The following GPHN variants were observed in gnomAD, a reference collection of about 807,000 sequenced individuals.
The protein encoded by GPHN is gephyrin.
GPHN carries 17 observed loss-of-function variants against 95.5 expected under a neutral mutation model. That is an observed-to-expected ratio of 0.18 (90% CI 0.12 to 0.27). The LOEUF is 0.27. GPHN is among the 10% of genes least tolerant of loss of function. The pLI is 1.00. For missense variants in GPHN, 660 were observed against 978.1 expected (o/e 0.67, Z 4.34); for synonymous variants, 320 against 322.5 (o/e 0.99, Z 0.08).
intron 11 of GPHN, among the ~76,000 whole-genome samples, chr14:67,083,941 C>A (rs1341973771): frequency 1.3e-5 from 2 of 152,086 alleles, no homozygotes; most frequent in Admixed American, 6.6e-5. Context: ...CTGATATTTT[C>A]TTGTAGTCAT....
chr14:67,323,807 C>A, the GPHN span: 1 of 1,544,532 alleles, frequency 6.5e-7, no homozygotes, highest in Non-Finnish European at 8.9e-7. Context: ...AGGCAAGAAT[C>A]CAAAGGTAAA....
At chr14:67,633,695 T>C in the GPHN span, among the ~76,000 whole-genome samples, 1 of 152,214 alleles carries the variant, frequency 6.6e-6, no homozygotes, top group Admixed American at 6.5e-5. Context: ...CCACGGTTGT[T>C]CCCCACCACA....
At chr14:66,813,141 C>T (rs113693239) in intron 3 of GPHN, among the ~76,000 whole-genome samples, 1,913 of 152,228 alleles carry the variant, frequency 0.013, 19 homozygotes, top group Non-Finnish European at 0.018. Context: ...ATTTATACCA[C>T]GTTTAATTTT....
At chr14:66,886,518 A>G (rs2064200146) in intron 5 of GPHN, among the ~76,000 whole-genome samples, 1 of 152,112 alleles carries the variant, frequency 6.6e-6, no homozygotes, top group African/African-American at 2.4e-5. Flanking sequence ...GATGAAAAAC[A>G]TGTATCCTTT....
At chr14:67,086,403 G>A (rs113403024) in intron 11 of GPHN, among the ~76,000 whole-genome samples, 10,106 of 152,238 alleles carry the variant, frequency 0.066, 351 homozygotes, top group Middle Eastern at 0.085. Flanking sequence ...TGTAATCCCA[G>A]CACTTTGGAA....
chr14:66,528,174 A>G (rs923195727), intron 1 of GPHN, among the ~76,000 whole-genome samples: 1 of 152,124 alleles, frequency 6.6e-6, no homozygotes, highest in Non-Finnish European at 1.5e-5. Context: ...TATATTTAGG[A>G]TAGTTAGCTC....
At chr14:67,192,922 G>T in the GPHN span, among the ~76,000 whole-genome samples, 1 of 142,044 alleles carries the variant, frequency 7.0e-6, no homozygotes, top group African/African-American at 2.6e-5. Flanking sequence ...AGATATATAT[G>T]TATATATAGA....
the GPHN span, chr14:67,651,221 T>C: frequency 9.5e-6 from 13 of 1,368,416 alleles, no homozygotes; most frequent in Non-Finnish European, 1.3e-5. Context: ...TTCCTTCACA[T>C]TTAAGTGGTT....
chr14:66,911,739 T>G (rs918205715), intron 5 of GPHN, among the ~76,000 whole-genome samples: 2 of 152,076 alleles, frequency 1.3e-5, no homozygotes, highest in Admixed American at 1.3e-4. Context: ...AATATTGAAC[T>G]TCTAGTGTAA....
At chr14:67,395,472 G>A in the GPHN span, 1 of 1,613,926 alleles carries the variant, frequency 6.2e-7, no homozygotes, top group Non-Finnish European at 8.5e-7. Flanking sequence ...TTCCCCGGCT[G>A]CCCTGCATGA....
chr14:67,191,996 A>G, the GPHN span, among the ~76,000 whole-genome samples: 2 of 152,192 alleles, frequency 1.3e-5, no homozygotes, highest in African/African-American at 4.8e-5. Context: ...AGGGGGAGAA[A>G]AAGTACTGGT....
At chr14:67,225,962 T>TGTGTGTGTGTGCGC in the GPHN span, among the ~76,000 whole-genome samples, 42 of 113,514 alleles carry the variant, frequency 3.7e-4, no homozygotes, top group African/African-American at 1.2e-3. Context: ...TGTGTGTGTG[T>TGTGTGTGTGTGCGC]GCGCGCGCGC....
chr14:67,409,749 G>A, the GPHN span, among the ~76,000 whole-genome samples: 69 of 152,070 alleles, frequency 4.5e-4, no homozygotes, highest in Non-Finnish European at 8.7e-4. Flanking sequence ...TCTGCACTCC[G>A]GCTTCCAACG....
chr14:67,625,697 AAAAG>A, the GPHN span, among the ~76,000 whole-genome samples: 2 of 149,140 alleles, frequency 1.3e-5, no homozygotes, highest in African/African-American at 4.9e-5. Context: ...AAAAAAAAAA[AAAAG>A]AAACTGGAAA....
intron 1 of GPHN, among the ~76,000 whole-genome samples, chr14:66,565,514 G>C (rs1041080156): frequency 4.6e-5 from 7 of 152,042 alleles, no homozygotes; most frequent in African/African-American, 1.7e-4. Flanking sequence ...TGCCCAAGCT[G>C]GTCTTGAACT....
intron 10 of GPHN, among the ~76,000 whole-genome samples, chr14:67,040,346 A>C (rs539365119): frequency 1.4e-4 from 22 of 152,268 alleles, no homozygotes; most frequent in Admixed American, 3.3e-4. Flanking sequence ...TGCAGACATG[A>C]TGCCTCTTTA....
rs113171712 is a variant in GPHN, at chr14:67,151,497, T to C, written c.1837-7918T>C. On this transcript the variant is annotated intron_variant, in intron 18 of 22. Transcript: ENST00000478722. Reference sequence around the variant, plus strand: ...CATTCCTGCCACAAGGGGCAATACCTTATTGGCCGTGTGCAGAAACAAAAA... The same window carrying C: ...CATTCCTGCCACAAGGGGCAATACCCTATTGGCCGTGTGCAGAAACAAAAA... 3.1e-3 allele frequency among the ~76,000 whole-genome samples: 465 copies of C among 152,308 alleles called. 5 individuals carry two copies. Among genetic ancestry groups the C allele is most frequent in the African/African-American group, 0.011 (447 of 41,550 alleles).
chr14:67,562,696 C>T, the GPHN span: 1 of 1,612,654 alleles, frequency 6.2e-7, no homozygotes, highest in Non-Finnish European at 8.5e-7. Flanking sequence ...CCTTCTCAGC[C>T]CTCCACCCCT....
At chr14:67,403,630 G>A in the GPHN span, among the ~76,000 whole-genome samples, 3 of 152,200 alleles carry the variant, frequency 2.0e-5, no homozygotes. Context: ...AGAAGTCTGA[G>A]GAGAAAAACT....
Sources: gnomAD v4.1 joint callset for allele counts (sites outside exome capture counted in the v4.1 genomes callset) on GRCh38, gnomAD v4.1.1 for gene constraint, MANE v1.5 for transcripts, NCBI Gene and HGNC (gene_info 2026-07-23, HGNC 2026-07-21) for gene names.